LRBA: variants seen among roughly 807,000 people sequenced by gnomAD.
LRBA encodes the protein lipopolysaccharide-responsive and beige-like anchor protein.
Under a neutral mutation model 330.0 loss-of-function variants are expected in LRBA, and 176 were observed. That is an observed-to-expected ratio of 0.53 (90% CI 0.47 to 0.60). The LOEUF is 0.60. LRBA is among the 20% of genes least tolerant of loss of function. The pLI, the probability that LRBA is intolerant of heterozygous loss-of-function variation, is 0.00. For synonymous variants in LRBA, 1,230 were observed against 1,193.0 expected, an observed-to-expected ratio of 1.03 and a Z score of -0.64; for missense variants, 3,259 against 3,444.8, an observed-to-expected ratio of 0.95 and a Z score of 1.35.
At chr4:150,683,824 AC>A (rs1186809264) in intron 36 of LRBA, 107 bp from the exon 37 acceptor site, 10 of 745,246 alleles carry the variant, frequency 1.3e-5, no homozygotes, top group Admixed American at 5.9e-5. Context: ...TTTTAAATCT[AC>A]TTTTACATTC....
intron 50 of LRBA, among the ~76,000 whole-genome samples, chr4:150,316,173 C>T (rs1425979538): frequency 2.0e-5 from 3 of 152,000 alleles, no homozygotes; most frequent in Admixed American, 2.0e-4. Context: ...TAGTTAAATG[C>T]ATTTGGCTGA....
At chr4:150,389,827 GTACA>G (rs1743652798) in intron 47 of LRBA, among the ~76,000 whole-genome samples, 1 of 149,524 alleles carries the variant, frequency 6.7e-6, no homozygotes, top group African/African-American at 2.4e-5. Context: ...AATTCCTATG[GTACA>G]TAATGTCAGT....
intron 47 of LRBA, among the ~76,000 whole-genome samples, chr4:150,396,659 A>G (rs1435261997): frequency 1.3e-5 from 2 of 152,218 alleles, no homozygotes; most frequent in African/African-American, 4.8e-5. Flanking sequence ...CTAGTAGTAG[A>G]ATACGAATGT....
At chr4:150,373,432 A>G (rs1224428441) in intron 47 of LRBA, among the ~76,000 whole-genome samples, 1 of 152,122 alleles carries the variant, frequency 6.6e-6, no homozygotes, top group Non-Finnish European at 1.5e-5. Flanking sequence ...TAGGTTTTTA[A>G]GATGTAACCT....
intron 40 of LRBA, among the ~76,000 whole-genome samples, chr4:150,505,999 C>T (rs1761020657): frequency 6.6e-6 from 1 of 152,168 alleles, no homozygotes; most frequent in South Asian, 2.1e-4. Flanking sequence ...AATTCCTCGA[C>T]ACATACATCC....
chr4:150,445,365 CTCTCTCTCTCTCTATATATA>C (rs1752460096), intron 44 of LRBA, among the ~76,000 whole-genome samples: 1 of 74,150 alleles, frequency 1.3e-5, no homozygotes, highest in Non-Finnish European at 2.7e-5. Context: ...CTCTCTCTCT[CTCTCTCTCTCTCTATATATA>C]TATATATATA....
Position 150,282,503 on chromosome 4 carries a change from A to G in LRBA, c.8263T>C (p.Phe2755Leu). 6.2e-7 allele frequency: 1 copy of G among 1,614,142 alleles called. No individual in the cohort carries two copies. Among genetic ancestry groups the G allele is most frequent in the Non-Finnish European group, 8.5e-7 (1 of 1,180,006 alleles). Reference sequence around the variant, plus strand: ...GCCTGGAGTTTTCCATTCACACTGAATGTACAGAAGAGGCCGTTTTCATAG... The same window carrying G: ...GCCTGGAGTTTTCCATTCACACTGAGTGTACAGAAGAGGCCGTTTTCATAG... The part of the protein sequence containing the change: ...IFYENGLFCT[F>L]SVNGKLQATM... Residue 2755 changes from phenylalanine (F) to leucine (L), a missense_variant, in exon 55 of 57, where the codon TTC becomes CTC. Transcript: ENST00000651943.
intron 35 of LRBA, among the ~76,000 whole-genome samples, chr4:150,738,273 G>A (rs185060839): frequency 1.4e-4 from 21 of 152,190 alleles, no homozygotes; most frequent in African/African-American, 5.1e-4. Flanking sequence ...TTTCAGGTGT[G>A]AGACACAGCA....
intron 37 of LRBA, among the ~76,000 whole-genome samples, chr4:150,674,484 C>A (rs1782355643): frequency 6.6e-6 from 1 of 151,976 alleles, no homozygotes; most frequent in South Asian, 2.1e-4. Context: ...ATAATATACA[C>A]TTCACAGGGT....
At chr4:150,354,213 A>T (rs1018440512) in intron 47 of LRBA, among the ~76,000 whole-genome samples, 10 of 152,146 alleles carry the variant, frequency 6.6e-5, no homozygotes, top group Non-Finnish European at 1.5e-4. Flanking sequence ...CTATATTAAA[A>T]TAGCTTTTTT....
chr4:150,536,641 G>T (rs533007645), intron 40 of LRBA, among the ~76,000 whole-genome samples: 55 of 152,144 alleles, frequency 3.6e-4, no homozygotes, highest in Non-Finnish European at 7.1e-4. Flanking sequence ...ACTAATCAGC[G>T]TTAAAAAATG....
chr4:150,280,472 T>C (rs1560955870), intron 55 of LRBA, among the ~76,000 whole-genome samples: 2 of 152,216 alleles, frequency 1.3e-5, no homozygotes, highest in Non-Finnish European at 2.9e-5. Context: ...AAAATAACTT[T>C]GCTGCTCTGT....
rs186728165 is a variant in LRBA at position 150,597,118 on chromosome 4, A to G, written c.6046+1889T>C. Reference sequence around the variant, plus strand: ...CTCTCTCAATTTAAAAATGCACACTAAAACATAGATAATTAACATTGGATT... The same window carrying G: ...CTCTCTCAATTTAAAAATGCACACTGAAACATAGATAATTAACATTGGATT... On this transcript the variant is annotated intron_variant, in intron 38 of 56. Transcript: ENST00000651943. The G allele has an allele frequency of 5.6e-5, 78 of 1,384,588 alleles. No individual in the cohort carries two copies. The East Asian group carries it at 1.8e-3, about 32-fold the overall frequency. The allele number at this position is 1,384,588 out of a possible 1,614,324, so 85.8% of individuals were successfully genotyped here. A position where few individuals can be genotyped will look rare whatever the true frequency, so the allele number is the denominator to read the frequency against.
rs534555166 is a variant in LRBA, at chr4:150,887,722, T to C, written c.2165+5330A>G. 1.4e-4 allele frequency among the ~76,000 whole-genome samples: 18 copies of C among 130,256 alleles called. No homozygotes were observed. The South Asian group carries it at 4.2e-3, about 30-fold the overall frequency. 85.5% of individuals were successfully genotyped at this position (130,256 alleles called of 152,430 possible). On this transcript the variant is annotated intron_variant, in intron 17 of 56. Transcript: ENST00000651943. ...AGGCGGAGCTTACAGTGAGCCAAGATCGGGCCACTGCACTCCAGTCTGGGC... is the reference window on the plus strand; with the variant it reads ...AGGCGGAGCTTACAGTGAGCCAAGACCGGGCCACTGCACTCCAGTCTGGGC...
intron 36 of LRBA, among the ~76,000 whole-genome samples, chr4:150,701,575 T>C (rs186722809): frequency 3.0e-4 from 45 of 152,230 alleles, no homozygotes; most frequent in Admixed American, 5.2e-4. Context: ...CCACTGTACA[T>C]GTGGTGCGTC....
At chr4:150,342,329 AG>A (rs1424153271) in intron 48 of LRBA, among the ~76,000 whole-genome samples, 3 of 152,152 alleles carry the variant, frequency 2.0e-5, no homozygotes, top group Non-Finnish European at 4.4e-5. Flanking sequence ...GAACTAGAAT[AG>A]ATTAAAAAAA....
intron 44 of LRBA, among the ~76,000 whole-genome samples, chr4:150,449,524 A>G (rs1449465777): frequency 6.8e-6 from 1 of 147,796 alleles, no homozygotes; most frequent in East Asian, 2.0e-4. Flanking sequence ...TACTTCTGGA[A>G]AAAAAAAAAA....
intron 37 of LRBA, among the ~76,000 whole-genome samples, chr4:150,654,911 A>T (rs1049149086): frequency 5.3e-5 from 8 of 151,960 alleles, no homozygotes; most frequent in Non-Finnish European, 1.0e-4. Context: ...CCATGGTGTA[A>T]ATGTGCCACA....
At chr4:150,547,159 AAT>A (rs1765948609) in intron 40 of LRBA, among the ~76,000 whole-genome samples, 1 of 152,166 alleles carries the variant, frequency 6.6e-6, no homozygotes, top group African/African-American at 2.4e-5. Flanking sequence ...CATATACACA[AAT>A]ATACACACTT....
Sources: gnomAD v4.1 joint callset for allele counts (sites outside exome capture counted in the v4.1 genomes callset) on GRCh38, gnomAD v4.1.1 for gene constraint, MANE v1.5 for transcripts, NCBI Gene and HGNC (gene_info 2026-07-23, HGNC 2026-07-21) for gene names.